ZCWPW2: variants seen among roughly 807,000 people sequenced by gnomAD.
The protein encoded by ZCWPW2 is zinc finger CW-type PWWP domain protein 2.
In ZCWPW2, 45 loss-of-function variants were observed where a neutral mutation model predicts 46.6. The ratio of observed to expected loss-of-function variants is 0.96; its 90% CI spans 0.76 to 1.24. ZCWPW2 has a LOEUF of 1.24. Among genes scored for constraint, ZCWPW2 ranks in the 50% most tolerant of loss-of-function variants. The pLI is 0.00. For missense variants in ZCWPW2, 429 were observed against 403.9 expected (o/e 1.06, Z -0.53); for synonymous variants, 152 against 137.1 (o/e 1.11, Z -0.76).
At chr3:28,519,259 G>T (rs903135716) in intron 8 of ZCWPW2, among the ~76,000 whole-genome samples, 6 of 152,160 alleles carry the variant, frequency 3.9e-5, no homozygotes, top group Admixed American at 2.0e-4. Flanking sequence ...GTTTTCCATA[G>T]AGAAAACCTG....
intron 4 of ZCWPW2, 73 bp downstream of exon 4, chr3:28,435,342 A>G: frequency 6.9e-7 from 1 of 1,445,098 alleles, no homozygotes; most frequent in Non-Finnish European, 9.3e-7. Flanking sequence ...ATCTTTGATC[A>G]TAAAATATGT....
At chr3:28,495,066 T>A (rs1287414447) in intron 6 of ZCWPW2, among the ~76,000 whole-genome samples, 1 of 151,754 alleles carries the variant, frequency 6.6e-6, no homozygotes, top group Non-Finnish European at 1.5e-5. Flanking sequence ...TTCACAGAAT[T>A]GGAAAAAACT....
intron 3 of ZCWPW2, among the ~76,000 whole-genome samples, chr3:28,425,701 A>G (rs539756921): frequency 6.6e-6 from 1 of 152,336 alleles, no homozygotes; most frequent in East Asian, 1.9e-4. Context: ...AAAACAAATA[A>G]TTGTCAAGAG....
In ZCWPW2 at chr3:28,434,388, A is replaced by G. The variant is rs115821533; in HGVS notation, c.333-722A>G. ...CAAAAAAAAGTAGAATAGAATGGGTAAAAGTGGGAAATGAAGACCAAAGAG... is the reference window on the plus strand; with the variant it reads ...CAAAAAAAAGTAGAATAGAATGGGTGAAAGTGGGAAATGAAGACCAAAGAG... On this transcript the variant is annotated intron_variant, in intron 3 of 9. Transcript: ENST00000383768. 1.5e-3 allele frequency among the ~76,000 whole-genome samples: 232 copies of G among 152,348 alleles called. 2 individuals carry two copies. The highest frequency in any genetic ancestry group is 5.2e-3 in the African/African-American group (218 of 41,580).
intron 4 of ZCWPW2, among the ~76,000 whole-genome samples, chr3:28,437,546 G>C (rs1385691031): frequency 6.6e-6 from 1 of 152,008 alleles, no homozygotes; most frequent in African/African-American, 2.4e-5. Context: ...TTTAATAGGT[G>C]CATGGTTGCC....
At chr3:28,519,185 G>A (rs753280973) in intron 8 of ZCWPW2, among the ~76,000 whole-genome samples, 6 of 152,124 alleles carry the variant, frequency 3.9e-5, no homozygotes, top group Non-Finnish European at 5.9e-5. Context: ...TTTTAAACAT[G>A]AGAACATTTT....
chr3:28,524,381 A>T (rs1700800478), intron 9 of ZCWPW2, 146 bp from the exon 10 acceptor site: 1 of 725,070 alleles, frequency 1.4e-6, no homozygotes, highest in African/African-American at 1.9e-5. Flanking sequence ...CCTGCATTAT[A>T]CTATATATAG....
chr3:28,524,542 C>T lies in ZCWPW2; in HGVS notation c.925C>T (p.Pro309Ser). Residue 309 changes from proline (P) to serine (S), a missense_variant, in exon 10 of 10, where the codon CCA (proline) becomes TCA (serine). Physicochemically the swap from Pro to Ser is moderately conservative, Grantham distance 74. Transcript: ENST00000383768. ...NMGEKLSKCSPEAPAGSLFEN... is the reference protein window; with the variant it reads ...NMGEKLSKCSSEAPAGSLFEN... ...TGTTTTGCAGTTATCTAAATGCAGCCCAGAAGCTCCTGCAGGCAGTCTGTT... is the reference window on the plus strand; with the variant it reads ...TGTTTTGCAGTTATCTAAATGCAGCTCAGAAGCTCCTGCAGGCAGTCTGTT... The T allele has an allele frequency of 1.9e-6, 3 of 1,602,044 alleles. No individual in the cohort carries two copies. The highest frequency in any genetic ancestry group is 2.6e-6 in the Non-Finnish European group (3 of 1,175,522).
intron 1 of ZCWPW2, among the ~76,000 whole-genome samples, chr3:28,379,668 G>C (rs986126604): frequency 1.3e-5 from 2 of 151,970 alleles, no homozygotes; most frequent in Non-Finnish European, 2.9e-5. Context: ...GCAAAATTAA[G>C]GAACTTAGGA....
At chr3:28,385,961 T>A (rs1460496665) in intron 1 of ZCWPW2, among the ~76,000 whole-genome samples, 2 of 152,054 alleles carry the variant, frequency 1.3e-5, no homozygotes, top group South Asian at 2.1e-4. Context: ...ATATATACAT[T>A]GTATCCTTTA....
chr3:28,452,147 G>A (rs1698248554), intron 4 of ZCWPW2, among the ~76,000 whole-genome samples: 1 of 152,166 alleles, frequency 6.6e-6, no homozygotes, highest in Admixed American at 6.5e-5. Flanking sequence ...TTGTCAAAGT[G>A]GTTAACATAG....
intron 6 of ZCWPW2, among the ~76,000 whole-genome samples, chr3:28,512,466 C>T (rs950070205): frequency 3.3e-5 from 5 of 151,786 alleles, no homozygotes; most frequent in Admixed American, 6.6e-5. Flanking sequence ...ATTACAGGTG[C>T]GAACCACCAT....
intron 2 of ZCWPW2, among the ~76,000 whole-genome samples, chr3:28,403,482 A>G (rs1281905058): frequency 6.6e-6 from 1 of 152,180 alleles, no homozygotes; most frequent in African/African-American, 2.4e-5. Flanking sequence ...AGAGCAATCT[A>G]CAAATTCAAT....
At chr3:28,408,408 A>T (rs1455228304) in intron 2 of ZCWPW2, among the ~76,000 whole-genome samples, 1 of 152,160 alleles carries the variant, frequency 6.6e-6, no homozygotes, top group South Asian at 2.1e-4. Flanking sequence ...CATCTCTCTC[A>T]TACTTCATTA....
rs540776060 is a variant in ZCWPW2, at chr3:28,364,340, TTTTC to T, written c.-134+15141_-134+15144del. On this transcript the variant is annotated intron_variant, in intron 1 of 9. Coordinates refer to ENST00000383768, the MANE Select transcript of ZCWPW2 (RefSeq NM_001040432.4). ...ACATTCTTTTTTTTTTTACATCACATTTTCTTTATTTCTTCATTGGCTGGTGGGC... is the reference window on the plus strand; with the variant it reads ...ACATTCTTTTTTTTTTTACATCACATTTTATTTCTTCATTGGCTGGTGGGC... 4.6e-5 allele frequency among the ~76,000 whole-genome samples: 7 copies of T among 152,212 alleles called. No homozygotes were observed. The East Asian group carries it at 1.4e-3, about 29-fold the overall frequency.
intron 4 of ZCWPW2, among the ~76,000 whole-genome samples, chr3:28,475,465 A>G (rs943771770): frequency 7.2e-5 from 11 of 152,222 alleles, no homozygotes; most frequent in African/African-American, 2.2e-4. Flanking sequence ...CAAAGCAATG[A>G]GAATGATTTC....
intron 2 of ZCWPW2, among the ~76,000 whole-genome samples, chr3:28,404,824 T>A (rs1696095053): frequency 6.6e-6 from 1 of 152,212 alleles, no homozygotes; most frequent in East Asian, 1.9e-4. Context: ...TGGGAGCTAA[T>A]CTATGAGGAT....
chr3:28,455,028 T>C (rs946086272), intron 4 of ZCWPW2, among the ~76,000 whole-genome samples: 3 of 152,198 alleles, frequency 2.0e-5, no homozygotes, highest in Non-Finnish European at 2.9e-5. Context: ...TCTAATGGTA[T>C]TTCTGTCTCA....
chr3:28,448,413 T>C lies in ZCWPW2; in HGVS notation c.492+13144T>C, dbSNP rs149336620. On this transcript the variant is annotated intron_variant, in intron 4 of 9. Transcript: ENST00000383768. ...CTTGTACAATGAAAACTACAAAACA[T>C]TGGTGAACAAAGTTAAAGAAGATAT... 7.7e-3 allele frequency among the ~76,000 whole-genome samples: 1,171 copies of C among 152,124 alleles called. 15 individuals carry two copies. The highest frequency in any genetic ancestry group is 0.026 in the African/African-American group (1,083 of 41,496).
Sources: allele counts gnomAD v4.1 joint callset (sites outside exome capture counted in the v4.1 genomes callset), GRCh38; gene constraint gnomAD v4.1.1; transcripts MANE v1.5; gene names NCBI Gene and HGNC (gene_info 2026-07-23, HGNC 2026-07-21).